KCNH1: variants seen among roughly 807,000 people sequenced by gnomAD.
The protein encoded by KCNH1 is voltage-gated delayed rectifier potassium channel KCNH1.
Under a neutral mutation model 69.2 loss-of-function variants are expected in KCNH1, and 27 were observed. The ratio of observed to expected loss-of-function variants is 0.39; its 90% confidence interval spans 0.29 to 0.54. The LOEUF (loss-of-function observed/expected upper bound fraction) is 0.54, where lower values mean the gene tolerates loss of function less well. Among genes scored for constraint, KCNH1 ranks in the 20% least tolerant of loss-of-function variants. The pLI is 0.68. For missense variants in KCNH1, 798 were observed against 1,261.6 expected (o/e 0.63, Z 5.57); for synonymous variants, 456 against 487.7 (o/e 0.93, Z 0.86).
intron 7 of KCNH1, among the ~76,000 whole-genome samples, chr1:210,885,164 G>A (rs926765450): frequency 3.9e-5 from 6 of 152,242 alleles, no homozygotes; most frequent in Non-Finnish European, 7.3e-5. Flanking sequence ...TCTGCAGCAA[G>A]ATCAACGCAG....
intron 1 of KCNH1, among the ~76,000 whole-genome samples, chr1:211,121,873 C>T (rs532571265): frequency 1.3e-5 from 2 of 152,276 alleles, no homozygotes; most frequent in African/African-American, 4.8e-5. Flanking sequence ...TGGTAGCTCA[C>T]GCCTGTAATC....
intron 5 of KCNH1, among the ~76,000 whole-genome samples, chr1:211,033,373 A>T (rs1471178085): frequency 6.6e-6 from 1 of 152,228 alleles, no homozygotes; most frequent in African/African-American, 2.4e-5. Context: ...TCAGGGATCT[A>T]GAACTAGAAA....
intron 7 of KCNH1, among the ~76,000 whole-genome samples, chr1:210,847,653 C>T (rs1685588246): frequency 6.6e-6 from 1 of 151,762 alleles, no homozygotes; most frequent in Non-Finnish European, 1.5e-5. Context: ...ATGGGTGCAG[C>T]ACGCCAAGAT....
intron 6 of KCNH1, among the ~76,000 whole-genome samples, chr1:210,971,411 A>C (rs1174899984): frequency 3.3e-5 from 5 of 152,210 alleles, no homozygotes; most frequent in South Asian, 2.1e-4. Context: ...AGAAATTTTG[A>C]AAGCTGGTTG....
chr1:210,760,134 T>C (rs1397132342), intron 10 of KCNH1, among the ~76,000 whole-genome samples: 2 of 152,160 alleles, frequency 1.3e-5, no homozygotes, highest in Non-Finnish European at 2.9e-5. Flanking sequence ...TCCATAAAAC[T>C]GGTCCCTGGT....
chr1:210,919,874 T>A lies in KCNH1; in HGVS notation c.1228A>T (p.Thr410Ser), dbSNP rs771932229. ...CAGCTGTTGTTGCGGATTGTCTTGG[T>A]GTCCTCGTCAAAGATCTCATAGTCC... ...IGDYEIFDED[T>S]KTIRNNSWLY... The change falls in exon 7 of 11, where the codon ACC becomes TCC. Residue 410 changes from threonine (T) to serine (S), a missense_variant. Coordinates refer to ENST00000271751, the MANE Select transcript of KCNH1 (RefSeq NM_172362.3). The surrounding 1 kb of genome is among the most constrained non-coding windows in gnomAD (Gnocchi z 4.2). 50 of 1,614,074 alleles carry A rather than the reference T, an allele frequency of 3.1e-5. 1 individual carries two copies. In the South Asian group the frequency reaches 5.5e-4, roughly 18 times the overall value.
intron 1 of KCNH1, among the ~76,000 whole-genome samples, chr1:211,115,730 TACAC>T (rs1553381313): frequency 0.046 from 3,973 of 86,872 alleles, 157 homozygotes; most frequent in Admixed American, 0.1. Context: ...TATATATATA[TACAC>T]ACACACACAC....
intron 9 of KCNH1, among the ~76,000 whole-genome samples, chr1:210,778,210 G>A (rs1683898983): frequency 6.6e-6 from 1 of 152,208 alleles, no homozygotes. Flanking sequence ...AACCAGCTGA[G>A]CTAAACAGCC....
At chr1:210,776,512 C>T (rs1683864124) in intron 9 of KCNH1, among the ~76,000 whole-genome samples, 3 of 152,120 alleles carry the variant, frequency 2.0e-5, no homozygotes, top group Non-Finnish European at 4.4e-5. Flanking sequence ...GGTGGAGCCT[C>T]TCATAAATGG....
rs550989455 is a variant in KCNH1 at position 211,062,489 on chromosome 1, C to A, written c.558+20291G>T. ...AGCATCATATCAAGTTAAAAATCTT[C>A]TGCATGGCAAAGGAAACAATCAACA... On this transcript the variant is annotated intron_variant, in intron 5 of 10. Transcript: ENST00000271751. Among the ~76,000 whole-genome samples, 4 of 152,208 alleles carry A rather than the reference C, an allele frequency of 2.6e-5. No homozygotes were observed. In the South Asian group the frequency reaches 8.3e-4, roughly 32 times the overall value.
intron 4 of KCNH1, 36 bp from the exon 5 acceptor site, chr1:211,082,934 C>T (rs114144023): frequency 1.9e-6 from 3 of 1,546,022 alleles, no homozygotes; most frequent in African/African-American, 2.7e-5. Flanking sequence ...ACAGGGTCAA[C>T]CACATCCCAA....
intron 7 of KCNH1, among the ~76,000 whole-genome samples, chr1:210,863,692 A>T (rs1278575922): frequency 6.6e-6 from 1 of 152,192 alleles, no homozygotes; most frequent in East Asian, 1.9e-4. Context: ...TTATTAGGAA[A>T]TCGGGGAAAG....
chr1:210,809,685 G>C (rs1243534984), intron 7 of KCNH1, among the ~76,000 whole-genome samples: 1 of 152,110 alleles, frequency 6.6e-6, no homozygotes, highest in Admixed American at 6.5e-5. Context: ...TGTAGTGAGT[G>C]GTCTCTTATC....
chr1:210,821,240 T>G (rs1684921454), intron 7 of KCNH1, among the ~76,000 whole-genome samples: 1 of 152,192 alleles, frequency 6.6e-6, no homozygotes, highest in Non-Finnish European at 1.5e-5. Flanking sequence ...GGATTAGGGC[T>G]TTGACATATG....
At chr1:210,816,992 T>A (rs951264702) in intron 7 of KCNH1, among the ~76,000 whole-genome samples, 18 of 152,214 alleles carry the variant, frequency 1.2e-4, no homozygotes, top group African/African-American at 4.3e-4. Context: ...ATCACCTTGC[T>A]AATTTTTGCC....
chr1:210,934,043 A>G (rs1475951528), intron 6 of KCNH1, among the ~76,000 whole-genome samples: 2 of 152,246 alleles, frequency 1.3e-5, no homozygotes, highest in African/African-American at 4.8e-5. Context: ...CACGAAATGG[A>G]TTAAAGACTT....
intron 7 of KCNH1, among the ~76,000 whole-genome samples, chr1:210,810,308 T>C (rs934041567): frequency 2.7e-4 from 41 of 152,170 alleles, no homozygotes; most frequent in Non-Finnish European, 1.3e-4. Context: ...ATAACCTGTA[T>C]TTTTTCTCTC....
At chr1:211,113,710 G>A (rs1691512885) in intron 1 of KCNH1, among the ~76,000 whole-genome samples, 1 of 152,154 alleles carries the variant, frequency 6.6e-6, no homozygotes. Flanking sequence ...CAGTTCCCAT[G>A]GAGTCTGGAA....
At chr1:210,941,866 G>A (rs1368625719) in intron 6 of KCNH1, among the ~76,000 whole-genome samples, 2 of 152,140 alleles carry the variant, frequency 1.3e-5, no homozygotes, top group African/African-American at 4.8e-5. Flanking sequence ...CCTTTATACT[G>A]TTTATGGTTT....
Sources: gnomAD v4.1 joint callset for allele counts (sites outside exome capture counted in the v4.1 genomes callset) on GRCh38, gnomAD v4.1.1 for gene constraint, Gnocchi (gnomAD v3.1) non-coding constraint, MANE v1.5 for transcripts, NCBI Gene and HGNC (gene_info 2026-07-23, HGNC 2026-07-21) for gene names.